The following RBM28 variants were observed in gnomAD, a reference collection of about 807,000 sequenced individuals.
The protein encoded by RBM28 is RNA binding motif protein 28.
Under a neutral mutation model 98.3 loss-of-function variants are expected in RBM28, and 78 were observed. That is an observed-to-expected ratio of 0.79 (90% CI 0.66 to 0.96). RBM28 has a LOEUF of 0.96. Ranked by LOEUF, RBM28 falls within the 40% of genes least tolerant of loss-of-function variation. The pLI is 0.00. For synonymous variants in RBM28, 306 were observed against 330.9 expected, an observed-to-expected ratio of 0.92 and a Z score of 0.82; for missense variants, 838 against 913.0, an observed-to-expected ratio of 0.92 and a Z score of 1.06.
intron 16 of RBM28, among the ~76,000 whole-genome samples, chr7:128,315,598 A>G (rs1473592333): frequency 6.6e-6 from 1 of 152,208 alleles, no homozygotes; most frequent in Non-Finnish European, 1.5e-5. Flanking sequence ...TTTGTTTTTA[A>G]TAGGCACCCT....
intron 11 of RBM28, among the ~76,000 whole-genome samples, chr7:128,325,359 G>C (rs868480437): frequency 6.6e-6 from 1 of 152,230 alleles, no homozygotes; most frequent in African/African-American, 2.4e-5. Flanking sequence ...TGAAATAGTA[G>C]AGTACTTACT....
chr7:128,310,502 G>A lies in RBM28; in HGVS notation c.*295C>T, dbSNP rs1242287396. The A allele has an allele frequency of 1.7e-5, 7 of 403,430 alleles. No individual in the cohort carries two copies. The highest frequency in any genetic ancestry group is 4.0e-5 in the African/African-American group (2 of 49,936). 25.0% of individuals were successfully genotyped at this position (403,430 alleles called of 1,614,324 possible). On this transcript the variant is annotated 3_prime_UTR_variant, in exon 19 of 19. Coordinates refer to ENST00000223073, the MANE Select transcript of RBM28 (RefSeq NM_018077.3). Reference sequence around the variant, plus strand: ...AATGCTTTTTCAGGTGTTTCCATTTGAGAAATAAAGAATAAAAATTGGTAA... The same window carrying A: ...AATGCTTTTTCAGGTGTTTCCATTTAAGAAATAAAGAATAAAAATTGGTAA...
chr7:128,341,240 T>G, intron 1 of RBM28: 1 of 1,202,882 alleles, frequency 8.3e-7, no homozygotes, highest in South Asian at 1.3e-5. Flanking sequence ...CAACATAACA[T>G]CAATTTTTCT....
rs1795946402 is a variant in RBM28, at chr7:128,310,012, G to A, written c.*785C>T. 6.6e-6 allele frequency: 1 copy of A among 152,276 alleles called. No individual in the cohort carries two copies. The highest frequency in any genetic ancestry group is 2.1e-4 in the South Asian group (1 of 4,836). 9.4% of individuals were successfully genotyped at this position (152,276 alleles called of 1,614,324 possible). ...AAACCCCTGGAGTTTTTCAGTAGGT[G>A]TGAAGCCATCTTAAGGGGCAGACTT... On this transcript the variant is annotated 3_prime_UTR_variant, in exon 19 of 19. Coordinates refer to ENST00000223073, the MANE Select transcript of RBM28 (RefSeq NM_018077.3).
chr7:128,321,401 T>A lies in RBM28; in HGVS notation c.1428A>T (p.Lys476Asn). ...RERFELLKHQ[K>N]LKDQNIFVSR... ...AGACAAAGATATTCTGGTCCTTGAGTTTCTGATGCTTCAGCAGCTCAAACT... is the reference window on the plus strand; with the variant it reads ...AGACAAAGATATTCTGGTCCTTGAGATTCTGATGCTTCAGCAGCTCAAACT... The change falls in exon 14 of 19, where the codon AAA (lysine) becomes AAT (asparagine). Residue 476 changes from lysine to asparagine, a missense_variant. Lys to Asn is a moderately conservative substitution (Grantham distance 94). Transcript: ENST00000223073. 2 of 1,614,144 alleles carry A rather than the reference T, an allele frequency of 1.2e-6. No individual in the cohort carries two copies. Among genetic ancestry groups the A allele is most frequent in the Non-Finnish European group, 1.7e-6 (2 of 1,180,022 alleles).
At position 128,314,922 on chromosome 7, in the gene RBM28, C is replaced by G; in HGVS notation, c.1887G>C (p.Glu629Asp). ...QQQKAAQHHT[E>D]EQSKVPPEQK... ...GCTCTGGGGGCACCTTGCTTTGTTC[C>G]TCTGTGTGGTGTTGAGCTGCCTTCT... The change falls in exon 17 of 19, where the codon GAG becomes GAC. Residue 629 changes from glutamate (E) to aspartate (D), a missense_variant. By Grantham distance (45) the Glu-to-Asp change is conservative (BLOSUM62 2). Transcript: ENST00000223073. The G allele has an allele frequency of 6.2e-7, 1 of 1,614,180 alleles. No individual in the cohort carries two copies. Among genetic ancestry groups the G allele is most frequent in the South Asian group, 1.1e-5 (1 of 91,078 alleles).
intron 12 of RBM28, among the ~76,000 whole-genome samples, chr7:128,324,321 T>C (rs553244690): frequency 3.3e-5 from 5 of 152,270 alleles, no homozygotes; most frequent in South Asian, 2.1e-4. Flanking sequence ...CAATCCTCTA[T>C]TGAAAAAGAC....
rs1796619803 is a variant in RBM28 at position 128,337,195 on chromosome 7, T to A, written c.549A>T (p.Thr183=). The change falls in exon 6 of 19, where the codon ACA becomes ACT. Residue 183 remains threonine (T), a synonymous_variant. Coordinates refer to ENST00000223073, the MANE Select transcript of RBM28 (RefSeq NM_018077.3). ...GMNMKEIKGR[T]VAVDWAVAKD... Reference sequence around the variant, plus strand: ...TTGCCACGGCCCAATCCACAGCCACTGTCCGGCCTGTCAAGCAGAAAAGTG... The same window carrying A: ...TTGCCACGGCCCAATCCACAGCCACAGTCCGGCCTGTCAAGCAGAAAAGTG... 2 of 1,614,016 alleles carry A rather than the reference T, an allele frequency of 1.2e-6. No individual in the cohort carries two copies. Among genetic ancestry groups the A allele is most frequent in the South Asian group, 2.2e-5 (2 of 91,092 alleles).
intron 10 of RBM28, among the ~76,000 whole-genome samples, chr7:128,329,982 T>C (rs762953741): frequency 3.7e-4 from 56 of 151,004 alleles, no homozygotes; most frequent in Non-Finnish European, 6.8e-4. Flanking sequence ...GTTGGAAAGA[T>C]GTTTACCTAA....
chr7:128,307,498 G>C lies in RBM28; in HGVS notation c.*3299C>G, dbSNP rs148389345. The C allele has an allele frequency of 1.1e-4, 16 of 150,204 alleles. No homozygotes were observed. The highest frequency in any genetic ancestry group is 3.5e-4 in the African/African-American group (14 of 39,540). 9.3% of individuals were successfully genotyped at this position (150,204 alleles called of 1,614,324 possible). A position where few individuals can be genotyped will look rare whatever the true frequency, so the allele number is the denominator to read the frequency against. On this transcript the variant is annotated 3_prime_UTR_variant, in exon 19 of 19. Transcript: ENST00000223073. ...ACCAAAGTACATTTTGAAGTATTTC[G>C]AAGAATGAATCACATGCCCTAACTT...
chr7:128,317,178 T>C (rs1005250933), intron 16 of RBM28, among the ~76,000 whole-genome samples: 7 of 152,188 alleles, frequency 4.6e-5, no homozygotes, highest in Non-Finnish European at 1.0e-4. Flanking sequence ...CCAAGGAACA[T>C]GCAGCAAAAA....
chr7:128,334,773 T>C (rs1209037124), intron 8 of RBM28, among the ~76,000 whole-genome samples: 3 of 152,168 alleles, frequency 2.0e-5, no homozygotes, highest in Non-Finnish European at 1.5e-5. Context: ...ACCCCAAATA[T>C]AATTGTATTT....
rs372967523 is a variant in RBM28 at position 128,321,401 on chromosome 7, T to C, written c.1428A>G (p.Lys476=). The change falls in exon 14 of 19, where the codon AAA becomes AAG. Residue 476 remains lysine (K), a synonymous_variant. Coordinates refer to ENST00000223073, the MANE Select transcript of RBM28 (RefSeq NM_018077.3). The part of the protein sequence containing the change: ...RERFELLKHQ[K]LKDQNIFVSR... ...AGACAAAGATATTCTGGTCCTTGAG[T>C]TTCTGATGCTTCAGCAGCTCAAACT... The C allele has an allele frequency of 5.0e-6, 8 of 1,614,026 alleles. No individual in the cohort carries two copies. In the African/African-American group the frequency reaches 6.7e-5, roughly 13 times the overall value.
At chr7:128,337,562 C>CTTTTTTT in intron 5 of RBM28, among the ~76,000 whole-genome samples, 1 of 139,804 alleles carries the variant, frequency 7.2e-6, no homozygotes, top group East Asian at 2.1e-4. Flanking sequence ...GCAATAACTT[C>CTTTTTTT]TTTTTTTTTT....
rs1289798912 is a variant in RBM28 at position 128,308,349 on chromosome 7, G to GTTTCTTTTGCTGTGCAGAAGC, written c.*2447_*2448insGCTTCTGCACAGCAAAAGAAA. 6.6e-6 allele frequency: 1 copy of GTTTCTTTTGCTGTGCAGAAGC among 152,208 alleles called. No individual in the cohort carries two copies. The highest frequency in any genetic ancestry group is 6.5e-5 in the Admixed American group (1 of 15,280). The allele number at this position is 152,208 out of a possible 1,614,324, so 9.4% of individuals were successfully genotyped here. ...TAAGTGTTAAGATATATTTTTGAAT[G>GTTTCTTTTGCTGTGCAGAAGC]TTAAAGATATTCGTGTACTAGGGAA... On this transcript the variant is annotated 3_prime_UTR_variant, in exon 19 of 19. Transcript: ENST00000223073.
intron 14 of RBM28, 83 bp downstream of exon 14, chr7:128,321,183 T>C (rs1796224355): frequency 1.9e-6 from 3 of 1,570,864 alleles, no homozygotes; most frequent in South Asian, 1.1e-5. Context: ...ACAAACAAAA[T>C]CTGGCACCAC....
intron 13 of RBM28, among the ~76,000 whole-genome samples, chr7:128,321,755 A>G (rs1796240708): frequency 6.6e-6 from 1 of 152,170 alleles, no homozygotes; most frequent in African/African-American, 2.4e-5. Flanking sequence ...GGCCAAAATG[A>G]GATAATATAA....
At position 128,313,235 on chromosome 7, in the gene RBM28, T is replaced by C. The variant is rs1357168630; in HGVS notation, c.2085A>G (p.Lys695=). The stretch of plus-strand genomic sequence containing the variant: ...ACTGGTTTATCTGTGGCTTTGGCTT[T>C]TTGGGATGGACGGGCTTCACTTTGC... The part of the protein sequence containing the change: ...DKGKVKPVHP[K]KPKPQINQWK... Residue 695 remains lysine (K), a synonymous_variant, in exon 18 of 19, where the codon AAA becomes AAG. Coordinates refer to ENST00000223073, the MANE Select transcript of RBM28 (RefSeq NM_018077.3). 2 of 1,614,202 alleles carry C rather than the reference T, an allele frequency of 1.2e-6. No individual in the cohort carries two copies. The highest frequency in any genetic ancestry group is 1.7e-6 in the Non-Finnish European group (2 of 1,180,038).
In RBM28 at chr7:128,341,072, T is replaced by C. The variant is rs1562960638; in HGVS notation, c.119-1281A>G. ...TTGTATAGTAAAATTTTAAATAATT[T>C]ATTGCATCAAAAAGGAAAAGGACAG... is the stretch of plus-strand genomic sequence containing the variant. On this transcript the variant is annotated intron_variant, in intron 1 of 18. Coordinates refer to ENST00000223073, the MANE Select transcript of RBM28 (RefSeq NM_018077.3). 1.1e-5 allele frequency: 12 copies of C among 1,089,548 alleles called. No homozygotes were observed. In the South Asian group the frequency reaches 1.5e-4, roughly 14 times the overall value. 67.5% of individuals were successfully genotyped at this position (1,089,548 alleles called of 1,614,324 possible).
Sources: allele counts gnomAD v4.1 joint callset (sites outside exome capture counted in the v4.1 genomes callset), GRCh38; gene constraint gnomAD v4.1.1; transcripts MANE v1.5; gene names NCBI Gene and HGNC (gene_info 2026-07-23, HGNC 2026-07-21).